PTPRD: variants seen among roughly 807,000 people sequenced by gnomAD.
The protein encoded by PTPRD is protein tyrosine phosphatase receptor type D.
PTPRD carries 34 observed loss-of-function variants against 214.5 expected under a neutral mutation model. The observed-to-expected ratio is 0.16, with a 90% CI of 0.12 to 0.21. PTPRD has a LOEUF of 0.21. Ranked by LOEUF, PTPRD falls within the 10% of genes least tolerant of loss-of-function variation. The pLI is 1.00. For synonymous variants in PTPRD, 1,128 were observed against 845.7 expected, an observed-to-expected ratio of 1.33 and a Z score of -5.79; for missense variants, 2,545 against 2,398.7, an observed-to-expected ratio of 1.06 and a Z score of -1.27.
At chr9:10,432,361 C>T (rs1057363785) in intron 2 of PTPRD, among the ~76,000 whole-genome samples, 5 of 151,262 alleles carry the variant, frequency 3.3e-5, no homozygotes, top group African/African-American at 1.2e-4. Context: ...GGGTGCAGCG[C>T]ACCAGCATGG....
chr9:9,989,998 G>A (rs2095857883), intron 4 of PTPRD, among the ~76,000 whole-genome samples: 9 of 152,182 alleles, frequency 5.9e-5, no homozygotes, highest in Admixed American at 5.9e-4. Context: ...CATCTCAACT[G>A]GGGGCTCTCC....
intron 2 of PTPRD, among the ~76,000 whole-genome samples, chr9:10,579,964 C>A (rs949584767): frequency 6.6e-6 from 1 of 151,788 alleles, no homozygotes. Context: ...TTGTTTTTTG[C>A]GTGTTGAATT....
At chr9:8,570,819 G>A (rs765770498) in intron 14 of PTPRD, among the ~76,000 whole-genome samples, 3 of 151,896 alleles carry the variant, frequency 2.0e-5, no homozygotes, top group Non-Finnish European at 4.4e-5. Flanking sequence ...AAGCACCATG[G>A]CATAAAAAGC....
At chr9:10,285,893 C>T (rs2095335048) in intron 3 of PTPRD, among the ~76,000 whole-genome samples, 2 of 152,002 alleles carry the variant, frequency 1.3e-5, no homozygotes, top group Non-Finnish European at 1.5e-5. Flanking sequence ...CAGGCGTGAG[C>T]TACTGTGCCC....
chr9:10,201,242 G>T (rs181172360), intron 3 of PTPRD, among the ~76,000 whole-genome samples: 1 of 151,876 alleles, frequency 6.6e-6, no homozygotes, highest in African/African-American at 2.4e-5. Flanking sequence ...AGCCATAAAG[G>T]TGTGAAACAT....
At chr9:10,385,540 G>T (rs1565694338) in intron 2 of PTPRD, among the ~76,000 whole-genome samples, 1 of 151,736 alleles carries the variant, frequency 6.6e-6, no homozygotes, top group Non-Finnish European at 1.5e-5. Flanking sequence ...CCAAGTGTGA[G>T]TATATTCTCT....
chr9:8,636,553 G>C, intron 13 of PTPRD, 146 bp downstream of exon 13: 3 of 1,074,942 alleles, frequency 2.8e-6, no homozygotes, highest in South Asian at 2.1e-5. Flanking sequence ...AAGCCATTTA[G>C]AGTTACATTT....
intron 20 of PTPRD, among the ~76,000 whole-genome samples, chr9:8,520,006 A>G (rs1384917107): frequency 6.6e-6 from 1 of 152,234 alleles, no homozygotes; most frequent in Non-Finnish European, 1.5e-5. Context: ...AAGGGAATTT[A>G]CTGAAAATAA....
intron 5 of PTPRD, among the ~76,000 whole-genome samples, chr9:9,773,292 G>A (rs2098768448): frequency 6.6e-6 from 1 of 152,084 alleles, no homozygotes; most frequent in South Asian, 2.1e-4. Flanking sequence ...CCTTACAAGG[G>A]TTTTTCAGCA....
At chr9:9,083,956 GAGTGT>G (rs1486591559) in intron 10 of PTPRD, among the ~76,000 whole-genome samples, 1 of 152,150 alleles carries the variant, frequency 6.6e-6, no homozygotes, top group Non-Finnish European at 1.5e-5. Flanking sequence ...CTGTTGGTGG[GAGTGT>G]AAATTAGTTC....
At chr9:8,981,993 C>T (rs2099315111) in intron 11 of PTPRD, among the ~76,000 whole-genome samples, 1 of 151,864 alleles carries the variant, frequency 6.6e-6, no homozygotes, top group Non-Finnish European at 1.5e-5. Context: ...TTTTAAAAGA[C>T]TTACTATAAA....
intron 2 of PTPRD, among the ~76,000 whole-genome samples, chr9:10,482,263 G>A (rs550918893): frequency 1.3e-5 from 2 of 151,786 alleles, no homozygotes; most frequent in South Asian, 2.1e-4. Flanking sequence ...CCCAGCTACT[G>A]AGGAGGCTGA....
At chr9:9,368,319 GTGAA>G (rs3048064) in intron 9 of PTPRD, among the ~76,000 whole-genome samples, 85,438 of 151,026 alleles carry the variant, frequency 0.57, 24,343 homozygotes, top group African/African-American at 0.61. Context: ...GAGCTCACAT[GTGAA>G]TGAAATATAC....
intron 12 of PTPRD, among the ~76,000 whole-genome samples, chr9:8,665,656 T>C (rs926245958): frequency 2.6e-5 from 4 of 152,200 alleles, no homozygotes; most frequent in Non-Finnish European, 4.4e-5. Context: ...GTTTTCCTGC[T>C]TTTCCTATTG....
chr9:10,048,318 T>C (rs751219089), intron 3 of PTPRD, among the ~76,000 whole-genome samples: 6 of 152,134 alleles, frequency 3.9e-5, no homozygotes, highest in Non-Finnish European at 8.8e-5. Flanking sequence ...TACTCAAGAC[T>C]CACTAGCCCC....
intron 8 of PTPRD, among the ~76,000 whole-genome samples, chr9:9,497,842 C>G (rs921624240): frequency 1.3e-5 from 2 of 152,088 alleles, no homozygotes; most frequent in African/African-American, 4.8e-5. Context: ...CTGGAATGGT[C>G]ACTGTATTGA....
chr9:10,211,073 T>C (rs1177993030), intron 3 of PTPRD, among the ~76,000 whole-genome samples: 1 of 151,848 alleles, frequency 6.6e-6, no homozygotes, highest in Non-Finnish European at 1.5e-5. Flanking sequence ...ACAATTACCT[T>C]AATATTTAAT....
At chr9:8,502,971 T>G (rs1358551022) in intron 23 of PTPRD, among the ~76,000 whole-genome samples, 1 of 151,948 alleles carries the variant, frequency 6.6e-6, no homozygotes, top group Non-Finnish European at 1.5e-5. Flanking sequence ...AGAAATTATC[T>G]TCTACAATAC....
At chr9:8,784,972 C>T (rs1353982255) in intron 11 of PTPRD, among the ~76,000 whole-genome samples, 1 of 152,062 alleles carries the variant, frequency 6.6e-6, no homozygotes, top group Non-Finnish European at 1.5e-5. Flanking sequence ...TCAGGGACTC[C>T]GAGAGCACCA....
Sources: gnomAD v4.1 joint callset for allele counts (sites outside exome capture counted in the v4.1 genomes callset) on GRCh38, gnomAD v4.1.1 for gene constraint, MANE v1.5 for transcripts, NCBI Gene and HGNC (gene_info 2026-07-23, HGNC 2026-07-21) for gene names.